Variants in CLSPN observed in about 807,000 individuals in gnomAD.
CLSPN encodes the protein claspin.
In CLSPN, 85 loss-of-function variants were observed where a neutral mutation model predicts 156.3. The ratio of observed to expected loss-of-function variants is 0.54; its 90% CI spans 0.46 to 0.65. The LOEUF is 0.65. Among genes scored for constraint, CLSPN ranks in the 30% least tolerant of loss-of-function variants. The pLI is 0.00. For synonymous variants in CLSPN, 534 were observed against 542.4 expected, an observed-to-expected ratio of 0.98 and a Z score of 0.22; for missense variants, 1,407 against 1,554.9, an observed-to-expected ratio of 0.90 and a Z score of 1.60.
rs766785421 is a variant in CLSPN, at chr1:35,763,286, G to T, written c.618C>A (p.Gly206=). The T allele has an allele frequency of 6.2e-7, 1 of 1,601,314 alleles. No homozygotes were observed. Among genetic ancestry groups the T allele is most frequent in the Admixed American group, 1.8e-5 (1 of 57,112 alleles). ...AAAGGTCTTTATCCACAAGAAGACAGCCACTGTCATTAAATGGCTGTTCTA... is the reference window on the plus strand; with the variant it reads ...AAAGGTCTTTATCCACAAGAAGACATCCACTGTCATTAAATGGCTGTTCTA... ...DDVEQPFNDS[G]CLLVDKDLFE... The change falls in exon 4 of 25, where the codon GGC becomes GGA. Residue 206 remains glycine, a synonymous_variant. Transcript: ENST00000318121.
At position 35,747,007 on chromosome 1, in the gene CLSPN, G is replaced by A; in HGVS notation, c.2628-15C>T. ...CATTTAAGAACCTAAGAACCAATGA[G>A]CACAACGAATAGTGTAAAAAATTCC... is the stretch of plus-strand genomic sequence containing the variant. On this transcript the variant is annotated splice_polypyrimidine_tract_variant and intron_variant, in intron 14 of 24. Transcript: ENST00000318121. 2 of 1,599,086 alleles carry A rather than the reference G, an allele frequency of 1.3e-6. No individual in the cohort carries two copies. Among genetic ancestry groups the A allele is most frequent in the Middle Eastern group, 1.7e-4 (1 of 6,038 alleles).
chr1:35,737,946 A>T, intron 22 of CLSPN, 46 bp downstream of exon 22: 1 of 1,089,694 alleles, frequency 9.2e-7, no homozygotes, highest in Non-Finnish European at 1.3e-6. Context: ...AAGCTCTACC[A>T]CTAACAATCC....
At chr1:35,763,343 A>C (rs1642552538) in intron 3 of CLSPN, 22 bp from the exon 4 acceptor site, 2 of 1,525,222 alleles carry the variant, frequency 1.3e-6, no homozygotes, top group East Asian at 4.8e-5. Context: ...ATAAACAAAA[A>C]GCATAATCCA....
At chr1:35,751,176 ACT>A (rs1342392548) in intron 10 of CLSPN, 72 bp downstream of exon 10, 1 of 1,539,800 alleles carries the variant, frequency 6.5e-7, no homozygotes, top group Non-Finnish European at 8.7e-7. Context: ...TGCTTATTAT[ACT>A]CTTTTTCAAG....
At chr1:35,765,156 C>A in intron 2 of CLSPN, 62 bp downstream of exon 2, 2 of 923,186 alleles carry the variant, frequency 2.2e-6, no homozygotes, top group Admixed American at 2.0e-5. Flanking sequence ...GAAATCAATC[C>A]AATCTACTTA....
rs752050233 is a variant in CLSPN, at chr1:35,749,456, T to C, written c.2272+11A>G. 2 of 1,613,108 alleles carry C rather than the reference T, an allele frequency of 1.2e-6. No homozygotes were observed. Among genetic ancestry groups the C allele is most frequent in the South Asian group, 1.1e-5 (1 of 91,030 alleles). On this transcript the variant is annotated intron_variant, in intron 12 of 24. Transcript: ENST00000318121. ...AGAAATGTTAAGTTCTGCACAAGAA[T>C]CACTACTTACCCAGTTTGCTAGGCT...
In CLSPN at chr1:35,734,295, T is replaced by G. The variant is rs1641390265; in HGVS notation, c.*2201A>C. 1.0e-6 allele frequency: 1 copy of G among 985,070 alleles called. No homozygotes were observed. 61.0% of individuals were successfully genotyped at this position (985,070 alleles called of 1,614,324 possible). ...ATTTATTGAAAAACTACATACATATTAAAACATCTTTATACACATTTTCCC... is the reference window on the plus strand; with the variant it reads ...ATTTATTGAAAAACTACATACATATGAAAACATCTTTATACACATTTTCCC... On this transcript the variant is annotated 3_prime_UTR_variant, in exon 25 of 25. Transcript: ENST00000318121.
At chr1:35,729,970 A>C (rs1045547075), downstream of CLSPN, among the ~76,000 whole-genome samples, 2 of 152,082 alleles carry the variant, frequency 1.3e-5, no homozygotes, top group African/African-American at 4.8e-5. Context: ...CAGAAAGAGC[A>C]AGGACTAAAG....
intron 1 of CLSPN, 74 bp from the exon 2 acceptor site, chr1:35,765,400 C>A: frequency 2.1e-6 from 2 of 962,472 alleles, no homozygotes; most frequent in South Asian, 1.3e-5. Flanking sequence ...ACACACAAAT[C>A]ATCGTGGGAT....
intron 9 of CLSPN, among the ~76,000 whole-genome samples, chr1:35,752,889 C>T (rs970703918): frequency 6.6e-6 from 1 of 152,114 alleles, no homozygotes; most frequent in African/African-American, 2.4e-5. Context: ...TAAAAATACT[C>T]CTATAAAGAC....
At position 35,739,100 on chromosome 1, in the gene CLSPN, G is replaced by A. The variant is rs754503268; in HGVS notation, c.3430+36C>T. ...AGGCGTGAGCCACCATGCTCAGCCC[G>A]TAACTGATTGCTTTTAAAGACAACA... On this transcript the variant is annotated intron_variant, in intron 20 of 24. Transcript: ENST00000318121. 7.4e-6 allele frequency: 12 copies of A among 1,613,170 alleles called. No individual in the cohort carries two copies. In the Admixed American group the frequency reaches 8.3e-5, roughly 11 times the overall value.
At chr1:35,722,569 A>G (rs1641096203) in intron 24 of CLSPN, among the ~76,000 whole-genome samples, 1 of 151,256 alleles carries the variant, frequency 6.6e-6, no homozygotes, top group Admixed American at 6.6e-5. Context: ...TTATTCCTAA[A>G]TAATACAATA....
rs781064145 is a variant in CLSPN at position 35,746,758 on chromosome 1, A to G, written c.2854+8T>C. ...TGGTAAGCTTGATACTCTCGGTTGG[A>G]TATTTACCCTGAGAAGTGAATTTTC... is the stretch of plus-strand genomic sequence containing the variant. On this transcript the variant is annotated splice_region_variant and intron_variant, in intron 15 of 24. Transcript: ENST00000318121. The surrounding 1 kb of genome is among the most constrained non-coding windows in gnomAD (Gnocchi z 4.2). 3.2e-6 allele frequency: 5 copies of G among 1,575,862 alleles called. No homozygotes were observed. Among genetic ancestry groups the G allele is most frequent in the African/African-American group, 2.7e-5 (2 of 74,188 alleles).
rs781375697 is a variant in CLSPN, at chr1:35,739,418, A to T, written c.3255T>A (p.Asp1085Glu). ...EIDEYEEDVI[D>E]EVLPSDEELQ... is the part of the protein sequence containing the mutation. ...GTTCCTCATCAGAAGGAAGTACTTC[A>T]TCAATTACGTCCTCTTCATATTCAT... The change falls in exon 19 of 25, where the codon GAT (aspartate) becomes GAA (glutamate). Residue 1085 changes from aspartate (D) to glutamate (E), a missense_variant. Physicochemically the swap from Asp to Glu is conservative, Grantham distance 45 (BLOSUM62 2). Transcript: ENST00000318121. The T allele has an allele frequency of 1.2e-6, 2 of 1,614,158 alleles. No homozygotes were observed. Among genetic ancestry groups the T allele is most frequent in the Non-Finnish European group, 1.7e-6 (2 of 1,180,018 alleles).
rs1641393760 is a variant in CLSPN, at chr1:35,734,415, C to T, written c.*2081G>A. The T allele has an allele frequency of 1.0e-6, 1 of 981,320 alleles. No individual in the cohort carries two copies. Among genetic ancestry groups the T allele is most frequent in the Admixed American group, 6.2e-5 (1 of 16,246 alleles). 60.8% of individuals were successfully genotyped at this position (981,320 alleles called of 1,614,324 possible). On this transcript the variant is annotated 3_prime_UTR_variant, in exon 25 of 25. Transcript: ENST00000318121. Reference sequence around the variant, plus strand: ...AGAAAACCGGCCGGGTGCGGTGGCTCATGCCTATAATCCCAGCACTTTGGG... The same window carrying T: ...AGAAAACCGGCCGGGTGCGGTGGCTTATGCCTATAATCCCAGCACTTTGGG...
intron 14 of CLSPN, 115 bp from the exon 15 acceptor site, chr1:35,747,107 G>A: frequency 1.4e-6 from 1 of 702,812 alleles, no homozygotes; most frequent in Non-Finnish European, 2.4e-6. Context: ...CGGATCACGA[G>A]GTCAGGAGAT....
chr1:35,751,119 G>T, intron 10 of CLSPN, 131 bp downstream of exon 10: 1 of 1,086,492 alleles, frequency 9.2e-7, no homozygotes, highest in South Asian at 1.6e-5. Context: ...GGATATATGA[G>T]GTAGTTACCC....
rs1642431091 is a variant in CLSPN, at chr1:35,760,376, A to G, written c.1545T>C (p.Asp515=). The G allele has an allele frequency of 1.2e-6, 2 of 1,613,858 alleles. No individual in the cohort carries two copies. The highest frequency in any genetic ancestry group is 1.7e-6 in the Non-Finnish European group (2 of 1,179,900). The change falls in exon 8 of 25, where the codon GAT becomes GAC. Residue 515 remains aspartate (D), a synonymous_variant. Transcript: ENST00000318121. Reference sequence around the variant, plus strand: ...TTTCAGGTTCAAGTATCACAAAGGAATCTTCATCAGCACCTAGCCGTGGTT... The same window carrying G: ...TTTCAGGTTCAAGTATCACAAAGGAGTCTTCATCAGCACCTAGCCGTGGTT... The part of the protein sequence containing the change: ...SIKPRLGADE[D]SFVILEPETN...
rs1453511816 is a variant in CLSPN at position 35,738,546 on chromosome 1, G to A, written c.3467C>T (p.Ser1156Phe). 6.2e-7 allele frequency: 1 copy of A among 1,613,854 alleles called. No individual in the cohort carries two copies. The highest frequency in any genetic ancestry group is 1.1e-5 in the South Asian group (1 of 91,086). Residue 1156 changes from serine (S) to phenylalanine (F), a missense_variant, in exon 21 of 25, where the codon TCT becomes TTT. This residue lies in a region of CLSPN where 241 missense variants were observed against 240.5 expected (regional missense o/e 1.00). Coordinates refer to ENST00000318121, the MANE Select transcript of CLSPN (RefSeq NM_022111.4). The stretch of plus-strand genomic sequence containing the variant: ...CTGTTCTTCAGTCTGATCATCATCA[G>A]AGTCTCTGTGGAACAAGTCCATCTG... ...ASQMDLFHRD[S>F]DDDQTEEQLD... is the part of the protein sequence containing the mutation.
Sources: gnomAD v4.1 joint callset for allele counts (sites outside exome capture counted in the v4.1 genomes callset) on GRCh38, gnomAD v4.1.1 for gene constraint, gnomAD v4.1.1 regional missense constraint, Gnocchi (gnomAD v3.1) non-coding constraint, MANE v1.5 for transcripts, NCBI Gene and HGNC (gene_info 2026-07-23, HGNC 2026-07-21) for gene names.